SATL1: variants seen among roughly 807,000 people sequenced by gnomAD.
SATL1 encodes the protein spermidine/spermine N1-acetyl transferase like 1.
A neutral mutation model predicts 51.8 loss-of-function variants in SATL1; 47 were observed. The ratio of observed to expected loss-of-function variants is 0.91; its 90% CI spans 0.72 to 1.16. SATL1 has a LOEUF of 1.16. SATL1 is among the 50% of genes most tolerant of loss of function. SATL1 has a pLI of 0.00. For synonymous variants in SATL1, 176 were observed against 182.4 expected (o/e 0.97, Z 0.28); for missense variants, 520 against 526.4 (o/e 0.99, Z 0.12).
At chrX:85,209,811 G>T (rs1338089720) in intron 2 of SATL1, 1 of 110,045 alleles carries the variant, frequency 9.1e-6, no homozygotes, top group South Asian at 3.9e-4. Context: ...GTGTTTTGAA[G>T]GTTTTTTTGT....
At chrX:85,144,300 G>C (rs761182249) in intron 2 of SATL1, among the ~76,000 whole-genome samples, 3 of 111,789 alleles carry the variant, frequency 2.7e-5, no homozygotes, top group African/African-American at 9.7e-5. Context: ...TTAGCAATAT[G>C]TTTATGTAGT....
chrX:85,117,921 TG>T (rs1268216024), intron 2 of SATL1, among the ~76,000 whole-genome samples: 1 of 109,828 alleles, frequency 9.1e-6, no homozygotes, highest in Non-Finnish European at 1.9e-5. Context: ...TCTTTGTTTT[TG>T]CTGTCTCTTT....
chrX:85,133,441 G>A (rs1446898647), intron 2 of SATL1, among the ~76,000 whole-genome samples: 1 of 112,377 alleles, frequency 8.9e-6, no homozygotes, highest in Non-Finnish European at 1.9e-5. Flanking sequence ...CTCCATGGGT[G>A]TGGGACCCGC....
chrX:85,235,758 C>T (rs1326991107), intron 1 of SATL1, among the ~76,000 whole-genome samples: 2 of 110,524 alleles, frequency 1.8e-5, no homozygotes, highest in Non-Finnish European at 3.8e-5. Context: ...AATAAACAAC[C>T]TAATGATGCA....
chrX:85,103,806 T>C, intron 4 of SATL1, 58 bp downstream of exon 4: 1 of 810,466 alleles, frequency 1.2e-6, no homozygotes, highest in Non-Finnish European at 1.9e-6. Flanking sequence ...CTTCCACATA[T>C]CTAAGTAGTA....
intron 2 of SATL1, among the ~76,000 whole-genome samples, chrX:85,141,669 TTAA>T (rs906124963): frequency 4.5e-5 from 5 of 111,084 alleles, no homozygotes; most frequent in Non-Finnish European, 9.4e-5. Context: ...ACCAAAATGT[TTAA>T]GTAGAGTGCT....
At chrX:85,111,889 C>G (rs1925268498) in intron 2 of SATL1, among the ~76,000 whole-genome samples, 1 of 111,548 alleles carries the variant, frequency 9.0e-6, no homozygotes, top group African/African-American at 3.3e-5. Context: ...CTTTTAGTAG[C>G]AGAATGTATC....
chrX:85,216,073 C>G (rs186276254), intron 2 of SATL1, among the ~76,000 whole-genome samples: 2 of 111,853 alleles, frequency 1.8e-5, no homozygotes, highest in Non-Finnish European at 3.8e-5. Context: ...AAGCCTCAAT[C>G]TGTTTCCACT....
chrX:85,180,772 G>A (rs1351685324), intron 2 of SATL1, among the ~76,000 whole-genome samples: 1 of 111,031 alleles, frequency 9.0e-6, no homozygotes, highest in African/African-American at 3.3e-5. Flanking sequence ...CAGAGCAGCT[G>A]CTTCTAGTTT....
intron 2 of SATL1, among the ~76,000 whole-genome samples, chrX:85,117,991 A>G (rs1925417798): frequency 9.1e-6 from 1 of 109,330 alleles, no homozygotes; most frequent in South Asian, 4.0e-4. Context: ...AAAGTTATCC[A>G]GCAGTAACCT....
At chrX:85,153,059 T>C (rs1279248534) in intron 2 of SATL1, among the ~76,000 whole-genome samples, 4 of 110,908 alleles carry the variant, frequency 3.6e-5, no homozygotes, top group African/African-American at 6.6e-5. Flanking sequence ...AGTATATGCA[T>C]CAGAGAACCA....
At chrX:85,137,244 A>G (rs895082451) in intron 2 of SATL1, among the ~76,000 whole-genome samples, 1 of 111,579 alleles carries the variant, frequency 9.0e-6, no homozygotes, top group Non-Finnish European at 1.9e-5. Context: ...AACAGTTCTT[A>G]CATCATAACC....
chrX:85,141,657 T>C (rs1926110013), intron 2 of SATL1, among the ~76,000 whole-genome samples: 1 of 111,147 alleles, frequency 9.0e-6, no homozygotes, highest in Non-Finnish European at 1.9e-5. Flanking sequence ...GAAACACATA[T>C]CACCAAAATG....
At chrX:85,202,790 C>G (rs1927712498) in intron 2 of SATL1, among the ~76,000 whole-genome samples, 2 of 111,763 alleles carry the variant, frequency 1.8e-5, no homozygotes, top group Admixed American at 1.9e-4. Context: ...GGACTGGCCT[C>G]CTCTCCTTGG....
chrX:85,242,604 A>G (rs1015196750), intron 1 of SATL1, among the ~76,000 whole-genome samples: 2 of 112,490 alleles, frequency 1.8e-5, no homozygotes, highest in African/African-American at 6.5e-5. Flanking sequence ...CTCAAAAGTA[A>G]GGAAAACAAA....
intron 2 of SATL1, among the ~76,000 whole-genome samples, chrX:85,180,536 A>T (rs1927178706): frequency 8.9e-6 from 1 of 111,961 alleles, no homozygotes; most frequent in African/African-American, 3.2e-5. Context: ...TTATAATCTT[A>T]TGGAACAAGC....
At chrX:85,116,433 T>C (rs897402911) in intron 2 of SATL1, among the ~76,000 whole-genome samples, 5 of 112,009 alleles carry the variant, frequency 4.5e-5, no homozygotes, top group African/African-American at 1.3e-4. Flanking sequence ...CTTGTGACCC[T>C]TCTCCCATGA....
At chrX:85,206,709 G>C (rs1051059356) in intron 2 of SATL1, among the ~76,000 whole-genome samples, 6 of 111,621 alleles carry the variant, frequency 5.4e-5, no homozygotes, top group African/African-American at 2.0e-4. Context: ...AAATGAGGCA[G>C]TGGCTAAGAG....
intron 2 of SATL1, among the ~76,000 whole-genome samples, chrX:85,161,020 A>G (rs1010064646): frequency 4.5e-5 from 5 of 112,196 alleles, no homozygotes; most frequent in Admixed American, 2.8e-4. Flanking sequence ...CAACATTCTT[A>G]AAGAAAAGTA....
Sources: allele counts gnomAD v4.1 joint callset (sites outside exome capture counted in the v4.1 genomes callset), GRCh38; gene constraint gnomAD v4.1.1; transcripts MANE v1.5; gene names NCBI Gene and HGNC (gene_info 2026-07-23, HGNC 2026-07-21).